The following CTNND2 variants were observed in gnomAD, a reference collection of about 807,000 sequenced individuals.
CTNND2 encodes catenin delta 2, also known as catenin delta-2.
A neutral mutation model predicts 144.4 loss-of-function variants in CTNND2; 22 were observed. The observed-to-expected ratio is 0.15, with a 90% CI of 0.11 to 0.22. CTNND2 has a LOEUF of 0.22. CTNND2 is among the 10% of genes least tolerant of loss of function. The pLI is 1.00. For synonymous variants in CTNND2, 751 were observed against 695.6 expected (o/e 1.08, Z -1.25); for missense variants, 1,353 against 1,618.8 (o/e 0.84, Z 2.82).
Position 11,726,603 on chromosome 5 carries a change from A to T in CTNND2, c.174+5533T>A, listed in dbSNP as rs1787037793. On this transcript the variant is annotated intron_variant, in intron 2 of 21. Transcript: ENST00000304623. The stretch of plus-strand genomic sequence containing the variant: ...CTAAAACACCACATTTTACATATTC[A>T]GTATGATTTTACATATGAATATTTA... 2.0e-5 allele frequency among the ~76,000 whole-genome samples: 3 copies of T among 152,212 alleles called. No individual in the cohort carries two copies. The South Asian group carries it at 6.2e-4, about 31-fold the overall frequency.
chr5:11,176,268 T>C (rs1760469170), intron 11 of CTNND2, among the ~76,000 whole-genome samples: 1 of 152,104 alleles, frequency 6.6e-6, no homozygotes, highest in Non-Finnish European at 1.5e-5. Context: ...ATCCTCTATT[T>C]AAAAATCCAG....
intron 2 of CTNND2, among the ~76,000 whole-genome samples, chr5:11,663,320 T>C (rs1181995900): frequency 6.6e-6 from 1 of 152,222 alleles, no homozygotes; most frequent in East Asian, 1.9e-4. Context: ...AAAGAGAAGA[T>C]ATTCAATCAT....
intron 10 of CTNND2, among the ~76,000 whole-genome samples, chr5:11,210,280 C>T (rs1050718887): frequency 6.6e-6 from 1 of 152,140 alleles, no homozygotes; most frequent in African/African-American, 2.4e-5. Flanking sequence ...CACCTGTAAT[C>T]CCAGCTACTC....
chr5:11,162,910 CACAT>C (rs1011747415), intron 11 of CTNND2, among the ~76,000 whole-genome samples: 1 of 49,540 alleles, frequency 2.0e-5, no homozygotes. Context: ...CACACACACA[CACAT>C]ACAGACACAC....
At chr5:11,746,794 G>A (rs966359709) in intron 1 of CTNND2, among the ~76,000 whole-genome samples, 1 of 152,064 alleles carries the variant, frequency 6.6e-6, no homozygotes, top group Non-Finnish European at 1.5e-5. Flanking sequence ...AAGTCAAAAT[G>A]AAAGAACATT....
intron 2 of CTNND2, among the ~76,000 whole-genome samples, chr5:11,662,148 CATAT>C (rs376386204): frequency 4.0e-4 from 42 of 104,816 alleles, no homozygotes; most frequent in Non-Finnish European, 6.4e-4. Context: ...TATATATACA[CATAT>C]ATATGTGTAT....
chr5:11,740,383 C>T (rs11747850), intron 1 of CTNND2, among the ~76,000 whole-genome samples: 21,048 of 152,076 alleles, frequency 0.14, 1,623 homozygotes, highest in East Asian at 0.27. Flanking sequence ...AGAAATAACA[C>T]CACACATCTA....
intron 2 of CTNND2, among the ~76,000 whole-genome samples, chr5:11,595,288 C>A (rs572273608): frequency 2.6e-5 from 4 of 152,282 alleles, no homozygotes; most frequent in African/African-American, 9.6e-5. Flanking sequence ...ACTGAAACCC[C>A]AGTGCTGCCT....
In CTNND2 at chr5:11,404,602, C is replaced by CTTTTTTTTTTTTTTT. The variant is rs555388304; in HGVS notation, c.439+6919_439+6933dup. 5.6e-4 allele frequency among the ~76,000 whole-genome samples: 32 copies of CTTTTTTTTTTTTTTT among 57,382 alleles called. 8 individuals carry two copies. Among genetic ancestry groups the CTTTTTTTTTTTTTTT allele is most frequent in the East Asian group, 1.4e-3 (2 of 1,428 alleles). The allele number at this position is 57,382 out of a possible 152,430, so 37.6% of individuals were successfully genotyped here. A position where few individuals can be genotyped will look rare whatever the true frequency, so the allele number is the denominator to read the frequency against. On this transcript the variant is annotated intron_variant, in intron 5 of 21. Transcript: ENST00000304623. The stretch of plus-strand genomic sequence containing the variant: ...ATCAGTATCTGTCAGTATCTGTATT[C>CTTTTTTTTTTTTTTT]TTTTTTTTTTTTTTTTTTTTTTTTT...
chr5:11,793,952 TTATGG>T (rs1385719293), intron 1 of CTNND2, among the ~76,000 whole-genome samples: 2 of 152,228 alleles, frequency 1.3e-5, no homozygotes, highest in African/African-American at 2.4e-5. Context: ...ACTCCCATAT[TTATGG>T]CATATACTTA....
At chr5:11,217,434 T>C (rs963863302) in intron 10 of CTNND2, among the ~76,000 whole-genome samples, 33 of 152,186 alleles carry the variant, frequency 2.2e-4, no homozygotes, top group Admixed American at 2.0e-4. Context: ...CTGTTAATAT[T>C]TATCACTGGC....
At chr5:11,657,012 T>C (rs1293467755) in intron 2 of CTNND2, among the ~76,000 whole-genome samples, 1 of 152,106 alleles carries the variant, frequency 6.6e-6, no homozygotes, top group Non-Finnish European at 1.5e-5. Flanking sequence ...CAGTGACATA[T>C]TCTGATGAGA....
chr5:11,780,018 C>T (rs993660137), intron 1 of CTNND2, among the ~76,000 whole-genome samples: 3 of 152,198 alleles, frequency 2.0e-5, no homozygotes, highest in Admixed American at 1.3e-4. Context: ...CTCCATTTAA[C>T]CTTCCCTGTT....
At chr5:11,035,321 C>T (rs1473056311) in intron 16 of CTNND2, among the ~76,000 whole-genome samples, 1 of 152,116 alleles carries the variant, frequency 6.6e-6, no homozygotes. Flanking sequence ...TTGCCTTTTC[C>T]AGTTCCTAGA....
chr5:11,673,013 C>G (rs1263405413), intron 2 of CTNND2, among the ~76,000 whole-genome samples: 1 of 152,190 alleles, frequency 6.6e-6, no homozygotes, highest in Non-Finnish European at 1.5e-5. Flanking sequence ...TTGCATCGAT[C>G]TTGCTGGGAG....
chr5:11,768,743 A>G (rs1789745348), intron 1 of CTNND2, among the ~76,000 whole-genome samples: 1 of 152,212 alleles, frequency 6.6e-6, no homozygotes, highest in Non-Finnish European at 1.5e-5. Context: ...TTGTGAGGAC[A>G]AACCACTGCC....
At chr5:11,175,103 A>G (rs1327430067) in intron 11 of CTNND2, among the ~76,000 whole-genome samples, 2 of 151,960 alleles carry the variant, frequency 1.3e-5, no homozygotes, top group East Asian at 3.8e-4. Context: ...GTGTATTTCA[A>G]ACCAAATTTT....
At chr5:11,466,881 G>A (rs545375293) in intron 3 of CTNND2, among the ~76,000 whole-genome samples, 20 of 152,296 alleles carry the variant, frequency 1.3e-4, no homozygotes, top group Admixed American at 7.8e-4. Flanking sequence ...TCCCACACAT[G>A]CGTGTACTGC....
At chr5:11,885,859 T>C in intron 1 of CTNND2, among the ~76,000 whole-genome samples, 1 of 151,936 alleles carries the variant, frequency 6.6e-6, no homozygotes, top group East Asian at 1.9e-4. Context: ...AAGCTAGAAA[T>C]CAATAAAAGA....
Sources: gnomAD v4.1 joint callset for allele counts (sites outside exome capture counted in the v4.1 genomes callset) on GRCh38, gnomAD v4.1.1 for gene constraint, MANE v1.5 for transcripts, NCBI Gene and HGNC (gene_info 2026-07-23, HGNC 2026-07-21) for gene names.